TM9SF2: variants seen among roughly 807,000 people sequenced by gnomAD.
TM9SF2 encodes 76 kDa membrane protein.
TM9SF2 carries 13 observed loss-of-function variants against 84.9 expected under a neutral mutation model. That is an observed-to-expected ratio of 0.15 (90% CI 0.10 to 0.24). TM9SF2 has a LOEUF of 0.24. Among genes scored for constraint, TM9SF2 ranks in the 10% least tolerant of loss-of-function variants. The probability of loss-of-function intolerance (pLI) is 1.00; values close to 1 mark genes in which losing one functional copy is unlikely to be tolerated. For synonymous variants in TM9SF2, 273 were observed against 285.8 expected, an observed-to-expected ratio of 0.96 and a Z score of 0.45; for missense variants, 562 against 818.5, an observed-to-expected ratio of 0.69 and a Z score of 3.82.
chr13:99,529,697 A>G, intron 4 of TM9SF2, 103 bp downstream of exon 4: 1 of 1,253,520 alleles, frequency 8.0e-7, no homozygotes, highest in Non-Finnish European at 1.1e-6. Flanking sequence ...ATAGCAAATT[A>G]ATTGATTTCC....
chr13:99,552,442 G>A (rs76168133), intron 13 of TM9SF2, 116 bp downstream of exon 13: 11,505 of 1,016,876 alleles, frequency 0.011, 97 homozygotes, highest in South Asian at 0.015. Context: ...TTTAGGATCT[G>A]GATTTCATAG....
At chr13:99,526,776 G>A (rs1193196453) in intron 3 of TM9SF2, among the ~76,000 whole-genome samples, 4 of 152,162 alleles carry the variant, frequency 2.6e-5, no homozygotes, top group Admixed American at 1.3e-4. Context: ...AATCAGGAGC[G>A]AGGAGGAGTG....
At chr13:99,561,928 A>G (rs770685839) in intron 16 of TM9SF2, among the ~76,000 whole-genome samples, 35 of 152,288 alleles carry the variant, frequency 2.3e-4, no homozygotes, top group Middle Eastern at 3.4e-3. Flanking sequence ...GAGTGTCCCC[A>G]TCTAGCATTC....
At chr13:99,530,277 A>G (rs549474515) in intron 4 of TM9SF2, among the ~76,000 whole-genome samples, 8 of 152,308 alleles carry the variant, frequency 5.3e-5, no homozygotes, top group African/African-American at 1.9e-4. Flanking sequence ...ACAAAAAATT[A>G]GCCAGGTGTG....
In TM9SF2 at chr13:99,562,727, C is replaced by T. The variant is rs1428831853; in HGVS notation, c.1961C>T (p.Thr654Ile). The change falls in exon 17 of 17, where the codon ACC (threonine) becomes ATC (isoleucine). Residue 654 changes from threonine (T) to isoleucine (I), a missense_variant. Transcript: ENST00000376387. ...TTCTTTGCATGCTTTTGGTTTGTTACCAAAATATACAGTGTGGTGAAGGTT... is the reference window on the plus strand; with the variant it reads ...TTCTTTGCATGCTTTTGGTTTGTTATCAAAATATACAGTGTGGTGAAGGTT... Reference protein sequence around the residue: ...IGFFACFWFVTKIYSVVKVD With the variant: ...IGFFACFWFVIKIYSVVKVD The T allele has an allele frequency of 1.9e-6, 3 of 1,612,814 alleles. No individual in the cohort carries two copies. The African/African-American group carries it at 4.0e-5, about 22-fold the overall frequency.
At chr13:99,549,600 T>C (rs1028181715) in intron 12 of TM9SF2, among the ~76,000 whole-genome samples, 1 of 152,190 alleles carries the variant, frequency 6.6e-6, no homozygotes, top group Non-Finnish European at 1.5e-5. Context: ...ATCCAAAGCA[T>C]TGCCATTTTT....
chr13:99,515,361 A>G (rs1330547246), intron 1 of TM9SF2, among the ~76,000 whole-genome samples: 2 of 152,306 alleles, frequency 1.3e-5, no homozygotes, highest in East Asian at 3.9e-4. Flanking sequence ...TTAAATGGGA[A>G]TTTTGTCTTC....
Position 99,563,576 on chromosome 13 carries a change from G to A in TM9SF2, c.*818G>A, listed in dbSNP as rs988203323. On this transcript the variant is annotated 3_prime_UTR_variant, in exon 17 of 17. Coordinates refer to ENST00000376387, the MANE Select transcript of TM9SF2 (RefSeq NM_004800.3). ...TAAGGCATTGTCTAAAATGTTCACTGTGAGGCAGTAGAGGAGGTTGAAGTC... is the reference window on the plus strand; with the variant it reads ...TAAGGCATTGTCTAAAATGTTCACTATGAGGCAGTAGAGGAGGTTGAAGTC... 1 of 152,208 alleles carries A rather than the reference G, an allele frequency of 6.6e-6. No individual in the cohort carries two copies. Among genetic ancestry groups the A allele is most frequent in the Non-Finnish European group, 1.5e-5 (1 of 68,032 alleles). 9.4% of individuals were successfully genotyped at this position (152,208 alleles called of 1,614,324 possible).
At chr13:99,553,112 G>A (rs2046312572) in intron 13 of TM9SF2, among the ~76,000 whole-genome samples, 1 of 152,076 alleles carries the variant, frequency 6.6e-6, no homozygotes. Context: ...GCCCACTCCT[G>A]CCCTCAGGCT....
At chr13:99,554,155 A>G in intron 13 of TM9SF2, 149 bp from the exon 14 acceptor site, 2 of 909,332 alleles carry the variant, frequency 2.2e-6, no homozygotes, top group Non-Finnish European at 1.6e-6. Context: ...GCTTCCAAAG[A>G]CAAATTTCAG....
chr13:99,536,614 G>A lies in TM9SF2; in HGVS notation c.468G>A (p.Val156=), dbSNP rs1002713409. The change falls in exon 5 of 17, where the codon GTG becomes GTA. Residue 156 remains valine, a synonymous_variant. Coordinates refer to ENST00000376387, the MANE Select transcript of TM9SF2 (RefSeq NM_004800.3). ...MLLNYQHHWI[V]DNMPVTWCYD... ...CTCCTCTTTCCATGTGTAGGATTGT[G>A]GATAATATGCCTGTAACGTGGTGTT... 2 of 1,613,080 alleles carry A rather than the reference G, an allele frequency of 1.2e-6. No individual in the cohort carries two copies. Among genetic ancestry groups the A allele is most frequent in the African/African-American group, 2.7e-5 (2 of 74,872 alleles).
At chr13:99,562,006 TTACTC>T (rs2046346762) in intron 16 of TM9SF2, among the ~76,000 whole-genome samples, 1 of 152,196 alleles carries the variant, frequency 6.6e-6, no homozygotes, top group South Asian at 2.1e-4. Context: ...ATTATCTCAT[TTACTC>T]TACATAATAG....
chr13:99,558,441 A>G (rs1474316535), intron 15 of TM9SF2, among the ~76,000 whole-genome samples: 1 of 152,230 alleles, frequency 6.6e-6, no homozygotes, highest in Non-Finnish European at 1.5e-5. Context: ...TAACAGTGTT[A>G]AGTCTAATAG....
intron 6 of TM9SF2, 124 bp downstream of exon 6, chr13:99,537,987 C>T (rs2046241634): frequency 1.5e-6 from 2 of 1,311,984 alleles, no homozygotes; most frequent in African/African-American, 1.5e-5. Flanking sequence ...CTAAAACTCC[C>T]TTTGGCATGA....
chr13:99,524,981 A>G (rs908736804), intron 3 of TM9SF2, among the ~76,000 whole-genome samples: 31 of 151,868 alleles, frequency 2.0e-4, no homozygotes, highest in African/African-American at 7.3e-4. Flanking sequence ...GAGGCAAGAA[A>G]GTGTTTCTAG....
At chr13:99,506,780 G>A (rs1279934439) in intron 1 of TM9SF2, among the ~76,000 whole-genome samples, 1 of 152,030 alleles carries the variant, frequency 6.6e-6, no homozygotes, top group East Asian at 1.9e-4. Flanking sequence ...GACACACATC[G>A]GCACTACAGA....
At chr13:99,541,996 A>G (rs2046262059) in intron 9 of TM9SF2, among the ~76,000 whole-genome samples, 1 of 152,090 alleles carries the variant, frequency 6.6e-6, no homozygotes, top group Non-Finnish European at 1.5e-5. Context: ...CTAAAAACAC[A>G]AAAATTAGCT....
intron 3 of TM9SF2, among the ~76,000 whole-genome samples, chr13:99,520,993 C>A (rs1009342149): frequency 6.6e-6 from 1 of 152,176 alleles, no homozygotes; most frequent in African/African-American, 2.4e-5. Flanking sequence ...TCTCAGAATT[C>A]TTTTGCCTTT....
chr13:99,533,558 C>T (rs1291248012), intron 4 of TM9SF2, among the ~76,000 whole-genome samples: 1 of 152,222 alleles, frequency 6.6e-6, no homozygotes, highest in Non-Finnish European at 1.5e-5. Flanking sequence ...ATCATAATTT[C>T]TCACCCATGA....
Sources: gnomAD v4.1 joint callset for allele counts (sites outside exome capture counted in the v4.1 genomes callset) on GRCh38, gnomAD v4.1.1 for gene constraint, MANE v1.5 for transcripts, NCBI Gene and HGNC (gene_info 2026-07-23, HGNC 2026-07-21) for gene names.